Variants in CWC22 observed in about 807,000 individuals in gnomAD.
CWC22 encodes CWC22 spliceosome associated protein.
A neutral mutation model predicts 117.2 loss-of-function variants in CWC22; 53 were observed. The ratio of observed to expected loss-of-function variants is 0.45; its 90% CI spans 0.36 to 0.57. The LOEUF is 0.57. Among genes scored for constraint, CWC22 ranks in the 20% least tolerant of loss-of-function variants. CWC22 has a pLI of 0.00. For missense variants in CWC22, 980 were observed against 1,068.8 expected (o/e 0.92, Z 1.16); for synonymous variants, 360 against 355.6 (o/e 1.01, Z -0.14).
chr2:179,993,510 G>A (rs564420294), intron 1 of CWC22, 56 bp from the exon 2 acceptor site: 2 of 552,228 alleles, frequency 3.6e-6, no homozygotes, highest in East Asian at 5.9e-5. Context: ...GAAAAATGAT[G>A]ATATATTTTT....
chr2:179,963,702 C>G (rs1686819498), intron 13 of CWC22, among the ~76,000 whole-genome samples: 1 of 152,162 alleles, frequency 6.6e-6, no homozygotes, highest in Non-Finnish European at 1.5e-5. Flanking sequence ...AAATTCCCAA[C>G]CAATGTTTTG....
chr2:179,962,319 G>A (rs958586306), intron 13 of CWC22, among the ~76,000 whole-genome samples: 2 of 152,110 alleles, frequency 1.3e-5, no homozygotes, highest in African/African-American at 4.8e-5. Context: ...TTCAAAAGTG[G>A]ACTGTTTAAG....
intron 11 of CWC22, among the ~76,000 whole-genome samples, chr2:179,970,259 A>C (rs1049792155): frequency 6.6e-6 from 1 of 152,164 alleles, no homozygotes; most frequent in African/African-American, 2.4e-5. Flanking sequence ...GTGAGACGTA[A>C]GTGTTGCATA....
intron 6 of CWC22, 29 bp downstream of exon 6, chr2:179,978,161 A>G: frequency 6.8e-7 from 1 of 1,468,348 alleles, no homozygotes; most frequent in Non-Finnish European, 9.0e-7. Context: ...ATACTTAGAA[A>G]TACTACAAAT....
chr2:179,959,750 G>C (rs1294934656), intron 13 of CWC22, among the ~76,000 whole-genome samples: 1 of 151,992 alleles, frequency 6.6e-6, no homozygotes, highest in Non-Finnish European at 1.5e-5. Context: ...ACTAAACATA[G>C]AAAAGGTTTA....
intron 1 of CWC22, among the ~76,000 whole-genome samples, chr2:179,997,573 T>C (rs993317193): frequency 6.6e-5 from 10 of 152,104 alleles, no homozygotes; most frequent in Admixed American, 2.0e-4. Flanking sequence ...AACTCAAAAC[T>C]TTACTCGACT....
intron 19 of CWC22, among the ~76,000 whole-genome samples, chr2:179,946,748 GAAC>G (rs1187591041): frequency 3.9e-5 from 6 of 152,154 alleles, no homozygotes; most frequent in Non-Finnish European, 7.4e-5. Flanking sequence ...AGGAGGAGTA[GAAC>G]AACTGGGTTT....
chr2:179,981,941 G>A lies in CWC22; in HGVS notation c.263C>T (p.Ser88Phe). 1 of 1,567,644 alleles carries A rather than the reference G, an allele frequency of 6.4e-7. No homozygotes were observed. The highest frequency in any genetic ancestry group is 8.7e-7 in the Non-Finnish European group (1 of 1,154,890). The change falls in exon 5 of 20, where the codon TCT (serine) becomes TTT (phenylalanine). Residue 88 changes from serine to phenylalanine, a missense_variant. Around this residue, in one of 3 missense-constraint regions of CWC22, gnomAD observed 559 missense variants for 602.3 expected, o/e 0.93. Transcript: ENST00000410053. ...ERERDTDRKR[S>F]RKSPSPGRRN... ...CCTCCCAGGAGATGGGGATTTCCGA[G>A]ACCTTTTCCGATCCGTATCTCTTTC...
At chr2:179,982,497 T>C (rs1370087580) in intron 4 of CWC22, among the ~76,000 whole-genome samples, 5 of 152,194 alleles carry the variant, frequency 3.3e-5, no homozygotes, top group Non-Finnish European at 5.9e-5. Flanking sequence ...GTGGTGTATA[T>C]GACAAATTGT....
chr2:179,972,694 A>T (rs1210212891), intron 8 of CWC22, among the ~76,000 whole-genome samples: 1 of 152,182 alleles, frequency 6.6e-6, no homozygotes, highest in East Asian at 1.9e-4. Context: ...TTTGATCAGC[A>T]TCAAAGTGTT....
intron 17 of CWC22, among the ~76,000 whole-genome samples, chr2:179,951,599 T>C (rs1432737838): frequency 2.6e-5 from 4 of 151,844 alleles, no homozygotes; most frequent in African/African-American, 4.8e-5. Flanking sequence ...ATGCCAGCAG[T>C]GGAAACTGAG....
intron 1 of CWC22, among the ~76,000 whole-genome samples, chr2:180,003,021 G>A (rs572725942): frequency 2.0e-5 from 3 of 152,204 alleles, no homozygotes; most frequent in East Asian, 1.9e-4. Context: ...ATAAAAAACG[G>A]GGAGTGTAGA....
At chr2:179,966,100 CA>C in intron 11 of CWC22, 118 bp from the exon 12 acceptor site, 1 of 706,050 alleles carries the variant, frequency 1.4e-6, no homozygotes, top group South Asian at 2.2e-5. Context: ...GTTTGCTAGC[CA>C]ACAAAGATAA....
At position 179,954,286 on chromosome 2, in the gene CWC22, G is replaced by A; in HGVS notation, c.1608C>T (p.Ile536=). ...GCAACTTGTTTGTTTCCAAGCGATG[G>A]ATGGTATCATACTGTTCTTTGAATA... The part of the protein sequence containing the change: ...EGIFKEQYDT[I]HRLETNKLRN... Residue 536 remains isoleucine (I), a synonymous_variant, in exon 16 of 20, where the codon ATC becomes ATT. Transcript: ENST00000410053. 3.7e-6 allele frequency: 6 copies of A among 1,609,788 alleles called. No individual in the cohort carries two copies. The highest frequency in any genetic ancestry group is 4.2e-6 in the Non-Finnish European group (5 of 1,176,684).
At chr2:179,974,435 G>C (rs1429840661) in intron 6 of CWC22, among the ~76,000 whole-genome samples, 2 of 152,162 alleles carry the variant, frequency 1.3e-5, no homozygotes, top group Non-Finnish European at 2.9e-5. Context: ...ATTTGATGAG[G>C]AAGGGGAAAG....
In CWC22 at chr2:179,979,631, G is replaced by T. The variant is rs113505260; in HGVS notation, c.453-1313C>A. 7.2e-3 allele frequency among the ~76,000 whole-genome samples: 1,094 copies of T among 152,094 alleles called. 17 individuals carry two copies. The highest frequency in any genetic ancestry group is 0.025 in the African/African-American group (1,030 of 41,508). On this transcript the variant is annotated intron_variant, in intron 5 of 19. Coordinates refer to ENST00000410053, the MANE Select transcript of CWC22 (RefSeq NM_020943.3). The stretch of plus-strand genomic sequence containing the variant: ...TTGTTTAGTATTGCTAGCATGGTGA[G>T]GATAAAAAACAGACTCACTTTGCGG...
rs367612543 is a variant in CWC22, at chr2:179,981,977, C to T, written c.227G>A (p.Arg76His). Residue 76 changes from arginine to histidine, a missense_variant, in exon 5 of 20, where the codon CGC (arginine) becomes CAC (histidine). Coordinates refer to ENST00000410053, the MANE Select transcript of CWC22 (RefSeq NM_020943.3). Reference sequence around the variant, plus strand: ...ATCCGTATCTCTTTCTCTTTCTCTGCGTTTTTCTCGGTCCCTGTTTCTGTA... The same window carrying T: ...ATCCGTATCTCTTTCTCTTTCTCTGTGTTTTTCTCGGTCCCTGTTTCTGTA... ...MESRNRDREK[R>H]RERERDTDRK... 5.2e-6 allele frequency: 8 copies of T among 1,544,538 alleles called. No homozygotes were observed. Among genetic ancestry groups the T allele is most frequent in the Middle Eastern group, 1.7e-4 (1 of 5,988 alleles).
intron 13 of CWC22, among the ~76,000 whole-genome samples, chr2:179,963,606 T>C (rs1168028093): frequency 2.0e-5 from 3 of 151,910 alleles, no homozygotes; most frequent in South Asian, 4.2e-4. Flanking sequence ...CCTCCCAAAG[T>C]GCTGGGATTA....
intron 19 of CWC22, among the ~76,000 whole-genome samples, chr2:179,946,188 AAT>A (rs1482753652): frequency 2.6e-5 from 4 of 152,054 alleles, no homozygotes; most frequent in Non-Finnish European, 5.9e-5. Flanking sequence ...TCATGCCTAT[AAT>A]CCCAGCACTT....
Sources: gnomAD v4.1 joint callset for allele counts (sites outside exome capture counted in the v4.1 genomes callset) on GRCh38, gnomAD v4.1.1 for gene constraint, gnomAD v4.1.1 regional missense constraint, MANE v1.5 for transcripts, NCBI Gene and HGNC (gene_info 2026-07-23, HGNC 2026-07-21) for gene names.